Variants in TEX11 observed in about 807,000 individuals in gnomAD.
TEX11 encodes testis-expressed protein 11.
A neutral mutation model predicts 84.4 loss-of-function variants in TEX11; 7 were observed. The ratio of observed to expected loss-of-function variants is 0.08; its 90% CI spans 0.05 to 0.16. TEX11 has a LOEUF of 0.16. TEX11 is among the 10% of genes least tolerant of loss of function. The pLI is 1.00. For missense variants in TEX11, 551 were observed against 660.5 expected (o/e 0.83, Z 1.82); for synonymous variants, 264 against 222.8 (o/e 1.18, Z -1.64).
intron 20 of TEX11, 104 bp from the exon 21 acceptor site, chrX:70,610,647 G>T: frequency 1.2e-6 from 1 of 814,749 alleles, no homozygotes; most frequent in Non-Finnish European, 1.8e-6. Flanking sequence ...CTAAGAAAAT[G>T]CAAAATTGTG....
Position 70,694,085 on chromosome X carries a change from G to A in TEX11, c.1005-11260C>T, listed in dbSNP as rs1362292472. On this transcript the variant is annotated intron_variant, in intron 13 of 29. Coordinates refer to ENST00000374333, the MANE Select transcript of TEX11 (RefSeq NM_031276.3). ...TTGTGAGATGGAGTCTCACTCTGTT[G>A]CCAGGCTGGAGTGCAGTGGTGCGAT... 2.7e-5 allele frequency among the ~76,000 whole-genome samples: 3 copies of A among 110,363 alleles called. No homozygotes were observed. The Admixed American group carries it at 2.9e-4, about 11-fold the overall frequency.
rs186832029 is a variant in TEX11 at position 70,635,963 on chromosome X, C to T, written c.1484-6228G>A. Among the ~76,000 whole-genome samples the T allele has an allele frequency of 2.5e-4, 28 of 111,626 alleles. No homozygotes were observed. The Middle Eastern group carries it at 0.014, about 55-fold the overall frequency. ...GTCACTCCACACTCCAGTGGAGCCA[C>T]GGTCCAAGTCTGCTCCAGCAGACCA... On this transcript the variant is annotated intron_variant, in intron 17 of 29. Coordinates refer to ENST00000374333, the MANE Select transcript of TEX11 (RefSeq NM_031276.3).
At chrX:70,688,163 C>A (rs916068727) in intron 13 of TEX11, among the ~76,000 whole-genome samples, 3 of 111,082 alleles carry the variant, frequency 2.7e-5, no homozygotes, top group African/African-American at 9.8e-5. Context: ...ATGATAAATC[C>A]AAAGAAATTC....
At chrX:70,658,087 A>T (rs12560079) in intron 16 of TEX11, among the ~76,000 whole-genome samples, 8,995 of 110,897 alleles carry the variant, frequency 0.081, 456 homozygotes, top group Admixed American at 0.25. Flanking sequence ...ATAAAAATTT[A>T]AAAAATGATA....
chrX:70,526,433 G>T (rs2147920808), downstream of TEX11, among the ~76,000 whole-genome samples: 1 of 110,687 alleles, frequency 9.0e-6, no homozygotes, highest in East Asian at 2.8e-4. Flanking sequence ...GCCAGGCGTG[G>T]TGGCACATGC....
chrX:70,634,273 G>A (rs1331169024), intron 17 of TEX11, among the ~76,000 whole-genome samples: 6 of 111,846 alleles, frequency 5.4e-5, no homozygotes, highest in Non-Finnish European at 7.5e-5. Flanking sequence ...ACTCAGCAAC[G>A]TTGTTAAGAT....
At chrX:70,530,091 C>T (rs895610996) in intron 28 of TEX11, 92 bp from the exon 29 acceptor site, 3 of 806,295 alleles carry the variant, frequency 3.7e-6, no homozygotes, top group Non-Finnish European at 3.6e-6. Context: ...TATTACTAAA[C>T]AAACAATAGG....
chrX:70,600,290 G>C (rs1197302472), intron 24 of TEX11, among the ~76,000 whole-genome samples: 1 of 111,387 alleles, frequency 9.0e-6, no homozygotes, highest in Non-Finnish European at 1.9e-5. Flanking sequence ...ACATTTTTTC[G>C]TGTGTTTTTT....
intron 5 of TEX11, among the ~76,000 whole-genome samples, chrX:70,854,132 G>A (rs1392248857): frequency 8.9e-6 from 1 of 111,965 alleles, no homozygotes; most frequent in Non-Finnish European, 1.9e-5. Context: ...TGCCATGAAA[G>A]GACATCACAC....
At chrX:70,609,268 G>T (rs757502035) in intron 21 of TEX11, 91 bp from the exon 22 acceptor site, 3 of 799,063 alleles carry the variant, frequency 3.8e-6, no homozygotes, top group African/African-American at 4.2e-5. Flanking sequence ...TCTCACAGGA[G>T]TTTGAATTTA....
intron 13 of TEX11, among the ~76,000 whole-genome samples, chrX:70,714,039 T>A (rs1199049353): frequency 5.7e-4 from 64 of 112,038 alleles, no homozygotes; most frequent in African/African-American, 2.0e-3. Context: ...CTGTCTTTAT[T>A]TTGTTATGTA....
At chrX:70,617,807 T>A (rs1210477034) in intron 20 of TEX11, among the ~76,000 whole-genome samples, 1 of 111,093 alleles carries the variant, frequency 9.0e-6, no homozygotes, top group Non-Finnish European at 1.9e-5. Context: ...ATGGAAGTGG[T>A]TTATACATAC....
chrX:70,784,588 C>A (rs2091065129), intron 9 of TEX11, among the ~76,000 whole-genome samples: 1 of 111,690 alleles, frequency 9.0e-6, no homozygotes, highest in Non-Finnish European at 1.9e-5. Context: ...ACCCCATCAT[C>A]TCTGCCCAAA....
intron 2 of TEX11, among the ~76,000 whole-genome samples, chrX:70,894,279 A>T: frequency 9.0e-6 from 1 of 111,272 alleles, no homozygotes; most frequent in Admixed American, 9.7e-5. Flanking sequence ...ACGAAAAAAG[A>T]AAATTTCAGG....
intron 28 of TEX11, among the ~76,000 whole-genome samples, chrX:70,535,105 C>A (rs2087938967): frequency 8.9e-6 from 1 of 112,092 alleles, no homozygotes; most frequent in Admixed American, 9.5e-5. Flanking sequence ...CTTTCACTTA[C>A]CATGTTTTCA....
At chrX:70,897,123 C>T (rs1371256231) in intron 2 of TEX11, among the ~76,000 whole-genome samples, 1 of 34,850 alleles carries the variant, frequency 2.9e-5, no homozygotes, top group Non-Finnish European at 1.1e-4. Flanking sequence ...CAGAGTAAGA[C>T]TCCGTCTCAA....
intron 9 of TEX11, among the ~76,000 whole-genome samples, chrX:70,766,389 G>C (rs1185292661): frequency 9.2e-6 from 1 of 108,684 alleles, no homozygotes; most frequent in African/African-American, 3.4e-5. Context: ...TCCAGCCTGG[G>C]TGACAGAGCA....
intron 7 of TEX11, among the ~76,000 whole-genome samples, chrX:70,849,139 G>T (rs1315062680): frequency 1.8e-5 from 2 of 112,295 alleles, no homozygotes; most frequent in Non-Finnish European, 3.8e-5. Context: ...AAGGTCATGT[G>T]ACCACTTTAG....
At chrX:70,539,602 TC>T (rs1260808951) in intron 28 of TEX11, among the ~76,000 whole-genome samples, 3 of 110,833 alleles carry the variant, frequency 2.7e-5, no homozygotes, top group East Asian at 2.8e-4. Context: ...AGTGTAGGTT[TC>T]CCCCCCACCA....
Sources: gnomAD v4.1 joint callset for allele counts (sites outside exome capture counted in the v4.1 genomes callset) on GRCh38, gnomAD v4.1.1 for gene constraint, MANE v1.5 for transcripts, NCBI Gene and HGNC (gene_info 2026-07-23, HGNC 2026-07-21) for gene names.